The following TMEM154 variants were observed in gnomAD, a reference collection of about 807,000 sequenced individuals.
TMEM154 encodes transmembrane protein 154.
A neutral mutation model predicts 24.5 loss-of-function variants in TMEM154; 27 were observed. The observed-to-expected ratio is 1.10, with a 90% CI of 0.81 to 1.52. TMEM154 has a LOEUF of 1.52. TMEM154 is among the 40% of genes most tolerant of loss of function. The pLI is 0.00. For missense variants in TMEM154, 228 were observed against 213.4 expected, an observed-to-expected ratio of 1.07 and a Z score of -0.43; for synonymous variants, 67 against 76.8, an observed-to-expected ratio of 0.87 and a Z score of 0.67.
rs573212896 is a variant in TMEM154, at chr4:152,644,824, T to A, written c.365-382A>T. On this transcript the variant is annotated intron_variant, in intron 3 of 6. Coordinates refer to ENST00000304385, the MANE Select transcript of TMEM154 (RefSeq NM_152680.3). ...ATGTCCCAGATCTAAAGGCTGCTGC[T>A]TCATCTCCTGTGATACACCATGCTG... Among the ~76,000 whole-genome samples, 10 of 152,346 alleles carry A rather than the reference T, an allele frequency of 6.6e-5. No individual in the cohort carries two copies. In the South Asian group the frequency reaches 1.7e-3, roughly 25 times the overall value.
Position 152,626,477 on chromosome 4 carries a change from T to A in TMEM154, c.*2069A>T, listed in dbSNP as rs1751923679. Reference sequence around the variant, plus strand: ...GGCTGTATACTAACTTCATATACCCTGACAGAATAAACTATCTTTTTAAAA... The same window carrying A: ...GGCTGTATACTAACTTCATATACCCAGACAGAATAAACTATCTTTTTAAAA... On this transcript the variant is annotated 3_prime_UTR_variant, in exon 7 of 7. Coordinates refer to ENST00000304385, the MANE Select transcript of TMEM154 (RefSeq NM_152680.3). 6.6e-6 allele frequency: 1 copy of A among 152,224 alleles called. No individual in the cohort carries two copies. Among genetic ancestry groups the A allele is most frequent in the Admixed American group, 6.5e-5 (1 of 15,282 alleles). The allele number at this position is 152,224 out of a possible 1,614,324, so 9.4% of individuals were successfully genotyped here. A position where few individuals can be genotyped will look rare whatever the true frequency, so the allele number is the denominator to read the frequency against.
chr4:152,642,960 G>A (rs1054401045), intron 5 of TMEM154, 128 bp downstream of exon 5: 9 of 710,214 alleles, frequency 1.3e-5, no homozygotes, highest in Non-Finnish European at 2.2e-5. Context: ...TTATCTGCAT[G>A]TACCAGATCT....
At chr4:152,648,913 CT>C (rs1158873257) in intron 3 of TMEM154, among the ~76,000 whole-genome samples, 2 of 152,024 alleles carry the variant, frequency 1.3e-5, no homozygotes, top group Non-Finnish European at 2.9e-5. Context: ...GCTCTGTTTG[CT>C]TTTTTTTCTT....
chr4:152,632,427 T>C (rs530533716), intron 6 of TMEM154, among the ~76,000 whole-genome samples: 66 of 152,348 alleles, frequency 4.3e-4, no homozygotes, highest in African/African-American at 1.6e-3. Context: ...TCCCCACCCT[T>C]ATTCCATCTT....
intron 1 of TMEM154, among the ~76,000 whole-genome samples, chr4:152,673,971 C>T (rs917073885): frequency 2.6e-5 from 4 of 151,714 alleles, no homozygotes; most frequent in African/African-American, 9.7e-5. Context: ...AAATTATTCT[C>T]CAGAATGGTT....
At chr4:152,654,514 C>T (rs1164369855) in intron 1 of TMEM154, among the ~76,000 whole-genome samples, 3 of 152,084 alleles carry the variant, frequency 2.0e-5, no homozygotes, top group African/African-American at 7.2e-5. Context: ...TTTGCATTCC[C>T]CTCAAATTCA....
chr4:152,657,626 T>C (rs1014942957), intron 1 of TMEM154, among the ~76,000 whole-genome samples: 14 of 152,204 alleles, frequency 9.2e-5, no homozygotes, highest in Admixed American at 7.2e-4. Context: ...TCCAAATAGA[T>C]ATAATTCAAC....
In TMEM154 at chr4:152,679,938, G is replaced by T. The variant is rs1729030664; in HGVS notation, c.-5C>A. The T allele has an allele frequency of 1.2e-6, 2 of 1,606,698 alleles. No homozygotes were observed. Among genetic ancestry groups the T allele is most frequent in the Non-Finnish European group, 1.7e-6 (2 of 1,177,286 alleles). ...GGCTGCGCGGGGAGCCTGCATGTCC[G>T]CTCGCCTCGGCAGAGGCGCGCTCAG... On this transcript the variant is annotated 5_prime_UTR_variant, in exon 1 of 7. Transcript: ENST00000304385.
intron 5 of TMEM154, 73 bp downstream of exon 5, chr4:152,643,015 A>G (rs1353741193): frequency 7.3e-6 from 8 of 1,095,996 alleles, no homozygotes; most frequent in Non-Finnish European, 1.1e-5. Context: ...ATTTATTGAG[A>G]TATTTATAAA....
intron 6 of TMEM154, among the ~76,000 whole-genome samples, chr4:152,633,012 A>C (rs530265501): frequency 2.0e-5 from 3 of 152,250 alleles, no homozygotes; most frequent in Non-Finnish European, 2.9e-5. Flanking sequence ...CAGGTTTTAC[A>C]TAAGTAGCCA....
chr4:152,678,554 T>TGGGGGGGGGG (rs1399155597), intron 1 of TMEM154, among the ~76,000 whole-genome samples: 1 of 51,746 alleles, frequency 1.9e-5, no homozygotes, highest in Non-Finnish European at 4.0e-5. Context: ...GCAGTGGTGG[T>TGGGGGGGGGG]GGGGGGTGGA....
At position 152,628,440 on chromosome 4, in the gene TMEM154, T is replaced by C. The variant is rs1385090477; in HGVS notation, c.*106A>G. The C allele has an allele frequency of 6.4e-7, 1 of 1,564,458 alleles. No individual in the cohort carries two copies. The highest frequency in any genetic ancestry group is 8.8e-7 in the Non-Finnish European group (1 of 1,139,512). ...ACAGCAAAAGGTTCTTGTGTCTATG[T>C]TGATTTGAAATTAATTAAATTTGTA... On this transcript the variant is annotated 3_prime_UTR_variant, in exon 7 of 7. Transcript: ENST00000304385.
chr4:152,676,434 C>A (rs1236324603), intron 1 of TMEM154, among the ~76,000 whole-genome samples: 1 of 152,204 alleles, frequency 6.6e-6, no homozygotes, highest in African/African-American at 2.4e-5. Flanking sequence ...GAGGCAGAAT[C>A]TTACTTAGAT....
intron 1 of TMEM154, among the ~76,000 whole-genome samples, chr4:152,660,234 A>T (rs1433437472): frequency 6.6e-6 from 1 of 152,162 alleles, no homozygotes; most frequent in Non-Finnish European, 1.5e-5. Flanking sequence ...TTTCACTGGT[A>T]ACCTTGGCCA....
chr4:152,675,737 T>C lies in TMEM154; in HGVS notation c.64+4133A>G, dbSNP rs142735337. On this transcript the variant is annotated intron_variant, in intron 1 of 6. Coordinates refer to ENST00000304385, the MANE Select transcript of TMEM154 (RefSeq NM_152680.3). The stretch of plus-strand genomic sequence containing the variant: ...AAGATAGACAAGGTGATTGCACTAA[T>C]CTACCCTCGGACCAGTAGTGCAGAG... Among the ~76,000 whole-genome samples, 1,357 of 152,350 alleles carry C rather than the reference T, an allele frequency of 8.9e-3. 9 individuals carry two copies. The highest frequency in any genetic ancestry group is 0.015 in the Non-Finnish European group (1,015 of 68,036).
chr4:152,678,929 A>G (rs1475244139), intron 1 of TMEM154, among the ~76,000 whole-genome samples: 1 of 152,186 alleles, frequency 6.6e-6, no homozygotes, highest in Non-Finnish European at 1.5e-5. Context: ...CACATCTGTT[A>G]GGTTGGGGCT....
At chr4:152,655,440 C>A (rs75348488) in intron 1 of TMEM154, among the ~76,000 whole-genome samples, 7,122 of 152,288 alleles carry the variant, frequency 0.047, 201 homozygotes, top group East Asian at 0.072. Context: ...CGGAGTCCCA[C>A]ACACCCCTGA....
At chr4:152,646,689 T>TC (rs201826634) in intron 3 of TMEM154, 9 of 405,436 alleles carry the variant, frequency 2.2e-5, no homozygotes, top group Middle Eastern at 6.4e-4. Flanking sequence ...AGTTCCTACT[T>TC]CCCCCCCACT....
At chr4:152,630,708 G>A (rs555370031) in intron 6 of TMEM154, among the ~76,000 whole-genome samples, 4 of 152,112 alleles carry the variant, frequency 2.6e-5, no homozygotes, top group Non-Finnish European at 5.9e-5. Flanking sequence ...TATAAAATTT[G>A]TCCATATTCA....
Sources: allele counts gnomAD v4.1 joint callset (sites outside exome capture counted in the v4.1 genomes callset), GRCh38; gene constraint gnomAD v4.1.1; transcripts MANE v1.5; gene names NCBI Gene and HGNC (gene_info 2026-07-23, HGNC 2026-07-21).